NT5C3B: variants seen among roughly 807,000 people sequenced by gnomAD.
NT5C3B encodes 7-methylguanosine phosphate-specific 5'-nucleotidase.
NT5C3B carries 28 observed loss-of-function variants against 32.5 expected under a neutral mutation model. That is an observed-to-expected ratio of 0.86 (90% confidence interval 0.64 to 1.18). NT5C3B has a LOEUF of 1.18. NT5C3B is among the 50% of genes most tolerant of loss of function. NT5C3B has a pLI of 0.00. For missense variants in NT5C3B, 317 were observed against 322.0 expected, an observed-to-expected ratio of 0.98 and a Z score of 0.12; for synonymous variants, 138 against 118.0, an observed-to-expected ratio of 1.17 and a Z score of -1.10.
chr17:41,826,944 A>G (rs1040560376), intron 8 of NT5C3B, among the ~76,000 whole-genome samples: 3 of 150,316 alleles, frequency 2.0e-5, no homozygotes, highest in Non-Finnish European at 4.4e-5. Context: ...AAGTTGCAGT[A>G]AGCCAAGATG....
Position 41,835,879 on chromosome 17 carries a change from C to T in NT5C3B, c.91G>A (p.Gly31Ser). 1 of 1,609,298 alleles carries T rather than the reference C, an allele frequency of 6.2e-7. No homozygotes were observed. The highest frequency in any genetic ancestry group is 8.5e-7 in the Non-Finnish European group (1 of 1,178,744). Residue 31 changes from glycine (G) to serine (S), a missense_variant, in exon 2 of 9, where the codon GGC becomes AGC. Coordinates refer to ENST00000435506, the MANE Select transcript of NT5C3B (RefSeq NM_052935.5). The part of the protein sequence containing the change: ...VQEIVGALRK[G>S]GGDRLQVISD... ...GGTACCTGTAACCGGTCTCCGCCGC[C>T]CTTGCGGAGGGCGCCCACGATCTCC... is the stretch of plus-strand genomic sequence containing the variant.
intron 6 of NT5C3B, 136 bp downstream of exon 6, chr17:41,830,665 A>T: frequency 3.0e-6 from 2 of 667,464 alleles, no homozygotes; most frequent in Non-Finnish European, 5.4e-6. Flanking sequence ...GCTGTATCAC[A>T]TCAGTTGTTC....
chr17:41,826,327 G>A (rs1555618172), intron 8 of NT5C3B, among the ~76,000 whole-genome samples: 1 of 152,084 alleles, frequency 6.6e-6, no homozygotes, highest in African/African-American at 2.4e-5. Flanking sequence ...GGACTCAAGT[G>A]ATCTTCCTGC....
chr17:41,832,241 G>A (rs1200592155), intron 5 of NT5C3B, 151 bp downstream of exon 5: 1 of 564,952 alleles, frequency 1.8e-6, no homozygotes, highest in East Asian at 3.3e-5. Flanking sequence ...CATCTGAAAA[G>A]TTGGTTCCAA....
At position 41,835,078 on chromosome 17, in the gene NT5C3B, G is replaced by A. The variant is rs1044921315; in HGVS notation, c.220C>T (p.Arg74Trp). ...DNSKIISEEC[R>W]KELTALLHHY... Reference sequence around the variant, plus strand: ...GGACGGGAGCAACCCACCTCTTTCCGACACTCCTCACTGATGATCTTGCTA... The same window carrying A: ...GGACGGGAGCAACCCACCTCTTTCCAACACTCCTCACTGATGATCTTGCTA... Residue 74 changes from arginine to tryptophan, a missense_variant, in exon 4 of 9, where the codon CGG becomes TGG. Arg to Trp is a moderately radical substitution (Grantham distance 101, BLOSUM62 -3). Transcript: ENST00000435506. 4 of 1,614,042 alleles carry A rather than the reference G, an allele frequency of 2.5e-6. No homozygotes were observed. The highest frequency in any genetic ancestry group is 1.7e-5 in the Admixed American group (1 of 60,008).
Position 41,836,073 on chromosome 17 carries a change from A to G in NT5C3B, c.12+109T>C, listed in dbSNP as rs1399205994. On this transcript the variant is annotated intron_variant, in intron 1 of 8. Coordinates refer to ENST00000435506, the MANE Select transcript of NT5C3B (RefSeq NM_052935.5). ...GGCCGGGGTGCGCGAGGGGGCGGCT[A>G]CTGGCCTGGGTGAAGCGGCGGTGCC... 6 of 1,389,200 alleles carry G rather than the reference A, an allele frequency of 4.3e-6. No homozygotes were observed. The East Asian group carries it at 1.1e-4, about 27-fold the overall frequency. 86.1% of individuals were successfully genotyped at this position (1,389,200 alleles called of 1,614,324 possible).
chr17:41,832,530 A>G, intron 4 of NT5C3B, 53 bp from the exon 5 acceptor site: 1 of 1,518,044 alleles, frequency 6.6e-7, no homozygotes. Flanking sequence ...AGTTCTTCCC[A>G]GCAACGTCCT....
chr17:41,829,066 GGCTGGAGGGCAGTGGCACAA>G, intron 6 of NT5C3B, 114 bp from the exon 7 acceptor site: 1 of 851,928 alleles, frequency 1.2e-6, no homozygotes. Context: ...CTGTTGCCCA[GGCTGGAGGGCAGTGGCACAA>G]TCACAGTTCA....
At chr17:41,835,798 T>C (rs1160929021) in intron 2 of NT5C3B, 61 bp downstream of exon 2, 7 of 1,467,154 alleles carry the variant, frequency 4.8e-6, no homozygotes, top group South Asian at 1.2e-5. Flanking sequence ...GAAGGCCCAA[T>C]GGGCAGGAAG....
intron 4 of NT5C3B, among the ~76,000 whole-genome samples, chr17:41,834,711 T>G (rs2048114984): frequency 6.6e-6 from 1 of 151,702 alleles, no homozygotes; most frequent in Admixed American, 6.6e-5. Flanking sequence ...ATCAAGCCAT[T>G]GCACTCCAGC....
chr17:41,827,783 G>T lies in NT5C3B; in HGVS notation c.568-157C>A, dbSNP rs370094640. On this transcript the variant is annotated intron_variant, in intron 7 of 8. Coordinates refer to ENST00000435506, the MANE Select transcript of NT5C3B (RefSeq NM_052935.5). ...AAACTACGGCCCATGGGCCAGACTT[G>T]GCCTGCTTTTGTAAATAAAGTTGTA... Among the ~76,000 whole-genome samples the T allele has an allele frequency of 1.4e-4, 22 of 152,318 alleles. 1 individual carries two copies. The South Asian group carries it at 3.5e-3, about 24-fold the overall frequency.
chr17:41,834,657 G>C (rs1472710640), intron 4 of NT5C3B, among the ~76,000 whole-genome samples: 1 of 151,974 alleles, frequency 6.6e-6, no homozygotes, highest in African/African-American at 2.4e-5. Context: ...GCTGAGGCAG[G>C]AGGATCACTT....
intron 2 of NT5C3B, 186 bp from the exon 3 acceptor site, chr17:41,835,458 C>G (rs141408276): frequency 7.7e-6 from 5 of 649,158 alleles, no homozygotes; most frequent in East Asian, 5.4e-5. Context: ...TACCCGTTAA[C>G]CCTGAGGAAA....
At chr17:41,826,989 G>C (rs1467706120) in intron 8 of NT5C3B, among the ~76,000 whole-genome samples, 1 of 130,928 alleles carries the variant, frequency 7.6e-6, no homozygotes, top group East Asian at 2.2e-4. Context: ...AACAGAGTGA[G>C]ACTCTATCTC....
rs1555619853 is a variant in NT5C3B at position 41,835,846 on chromosome 17, GCCC to G, written c.111+10_111+12del. The G allele has an allele frequency of 2.1e-5, 34 of 1,601,022 alleles. No homozygotes were observed. The highest frequency in any genetic ancestry group is 2.9e-5 in the Non-Finnish European group (34 of 1,174,702). The stretch of plus-strand genomic sequence containing the variant: ...CCCCCAGCCCGGCCGGCCCCCGCAC[GCCC>G]CAGAGGTACCTGTAACCGGTCTCCG... On this transcript the variant is annotated intron_variant, in intron 2 of 8. Coordinates refer to ENST00000435506, the MANE Select transcript of NT5C3B (RefSeq NM_052935.5).
chr17:41,835,486 G>A (rs2144111019), intron 2 of NT5C3B: 2 of 652,256 alleles, frequency 3.1e-6, no homozygotes, highest in Non-Finnish European at 5.5e-6. Context: ...CTCCTAGTGT[G>A]GGGGCAAGGG....
At chr17:41,832,304 C>T (rs1344662910) in intron 5 of NT5C3B, 88 bp downstream of exon 5, 1 of 1,075,222 alleles carries the variant, frequency 9.3e-7, no homozygotes, top group Non-Finnish European at 1.4e-6. Context: ...GGGAGCCTGT[C>T]ATCTCATCAA....
chr17:41,826,726 C>T (rs2047970640), intron 8 of NT5C3B, among the ~76,000 whole-genome samples: 2 of 151,720 alleles, frequency 1.3e-5, no homozygotes, highest in South Asian at 2.1e-4. Context: ...TTAGGCTGGG[C>T]GTGGTGGATC....
At chr17:41,835,310 C>A (rs782450384) in intron 2 of NT5C3B, 38 bp from the exon 3 acceptor site, 5 of 1,565,112 alleles carry the variant, frequency 3.2e-6, no homozygotes, top group Non-Finnish European at 2.6e-6. Context: ...AAATAGGCAC[C>A]AGAATTCTAG....
Sources: allele counts gnomAD v4.1 joint callset (sites outside exome capture counted in the v4.1 genomes callset), GRCh38; gene constraint gnomAD v4.1.1; transcripts MANE v1.5; gene names NCBI Gene and HGNC (gene_info 2026-07-23, HGNC 2026-07-21).